SHE: variants seen among roughly 807,000 people sequenced by gnomAD.
SHE encodes the protein Src homology 2 domain containing E, also known as SH2 domain-containing adapter protein E.
SHE carries 11 observed loss-of-function variants against 49.8 expected under a neutral mutation model. The ratio of observed to expected loss-of-function variants is 0.22; its 90% CI spans 0.14 to 0.37. SHE has a LOEUF of 0.37. SHE is among the 10% of genes least tolerant of loss of function. SHE has a pLI of 1.00. For synonymous variants in SHE, 310 were observed against 278.1 expected (o/e 1.11, Z -1.14); for missense variants, 624 against 655.5 (o/e 0.95, Z 0.52).
At chr1:154,478,430 A>T (rs1571038953), downstream of SHE, among the ~76,000 whole-genome samples, 1 of 11,320 alleles carries the variant, frequency 8.8e-5, no homozygotes, top group Non-Finnish European at 9.4e-4. Flanking sequence ...AAAAAGTGCA[A>T]AAAAAAAAAA....
chr1:154,484,473 T>A, intron 5 of SHE, 138 bp from the exon 6 acceptor site: 1 of 686,732 alleles, frequency 1.5e-6, no homozygotes, highest in Non-Finnish European at 2.4e-6. Context: ...CAGAAATGCA[T>A]TCCACACTCT....
intron 1 of SHE, among the ~76,000 whole-genome samples, chr1:154,474,063 C>T (rs910144278): frequency 6.6e-6 from 1 of 152,254 alleles, no homozygotes; most frequent in Admixed American, 6.5e-5. Context: ...CTCCGGCCCC[C>T]AGCCACTGGT....
In SHE at chr1:154,489,297, G is replaced by A; in HGVS notation, c.778C>T (p.Pro260Ser). Residue 260 changes from proline (P) to serine (S), a missense_variant, in exon 3 of 6, where the codon CCC becomes TCC. Coordinates refer to ENST00000304760, the MANE Select transcript of SHE (RefSeq NM_001010846.3). ...AGGCCACCGTCTGCGGGTTCACAGG[G>A]ACTGTCAAGCAGCTGGAGAGCCTTC... ...LVKALQLLDSPCEPADGGLKS... is the reference protein window; with the variant it reads ...LVKALQLLDSSCEPADGGLKS... 1.9e-6 allele frequency: 3 copies of A among 1,614,232 alleles called. No homozygotes were observed. Among genetic ancestry groups the A allele is most frequent in the Non-Finnish European group, 2.5e-6 (3 of 1,180,036 alleles).
Position 154,501,944 on chromosome 1 carries a change from A to G in SHE, c.83T>C (p.Leu28Pro). 1.4e-6 allele frequency: 2 copies of G among 1,461,226 alleles called. No individual in the cohort carries two copies. Among genetic ancestry groups the G allele is most frequent in the Non-Finnish European group, 8.9e-7 (1 of 1,117,528 alleles). The allele number at this position is 1,461,226 out of a possible 1,614,324, so 90.5% of individuals were successfully genotyped here. Residue 28 changes from leucine (L) to proline (P), a missense_variant, in exon 1 of 6, where the codon CTG (leucine) becomes CCG (proline). This residue lies in a region of SHE where 337 missense variants were observed against 306.0 expected (regional missense o/e 1.10). Coordinates refer to ENST00000304760, the MANE Select transcript of SHE (RefSeq NM_001010846.3). ...GAGGGGGCCCCGGCCGGCTCGGCCC[A>G]GGAGCGTCGGGGCCGTGGAGCAGGC... is the stretch of plus-strand genomic sequence containing the variant. ...SLACSTAPTL[L>P]GRAGRGPLMA...
chr1:154,478,711 A>G (rs951702705), downstream of SHE, among the ~76,000 whole-genome samples: 4 of 152,170 alleles, frequency 2.6e-5, no homozygotes, highest in Non-Finnish European at 4.4e-5. Flanking sequence ...TCAACACTCA[A>G]ACCCTGGGTG....
At chr1:154,494,794 G>A (rs1252492015) in intron 2 of SHE, among the ~76,000 whole-genome samples, 1 of 152,126 alleles carries the variant, frequency 6.6e-6, no homozygotes, top group Non-Finnish European at 1.5e-5. Flanking sequence ...TTTGTGGCTG[G>A]CAATCCCAGC....
At chr1:154,485,833 G>T (rs1692160146) in intron 5 of SHE, 110 bp downstream of exon 5, 8 of 1,319,444 alleles carry the variant, frequency 6.1e-6, no homozygotes, top group Non-Finnish European at 7.3e-6. Context: ...CTTATTTTCT[G>T]CAATGCACAC....
At position 154,489,190 on chromosome 1, in the gene SHE, C is replaced by T. The variant is rs766862575; in HGVS notation, c.885G>A (p.Glu295=). ...KPPQLYDTPY[E]PAEGGPRAEG... ...CTGCCCTGGGCCCCCCTTCTGCAGG[C>T]TCGTAGGGAGTGTCGTATAGCTGTG... Residue 295 remains glutamate, a synonymous_variant, in exon 3 of 6, where the codon GAG becomes GAA. Transcript: ENST00000304760. 1.6e-5 allele frequency: 26 copies of T among 1,614,184 alleles called. 1 individual carries two copies. The highest frequency in any genetic ancestry group is 3.3e-5 in the South Asian group (3 of 91,082).
In SHE at chr1:154,489,275, C is replaced by A. The variant is rs199836449; in HGVS notation, c.800G>T (p.Gly267Val). 8 of 1,614,210 alleles carry A rather than the reference C, an allele frequency of 5.0e-6. No individual in the cohort carries two copies. The East Asian group carries it at 1.6e-4, about 31-fold the overall frequency. ...LDSPCEPADG[G>V]LKSETLAKRR... ...TTTGGCCAAGGTCTCTGATTTCAGG[C>A]CACCGTCTGCGGGTTCACAGGGACT... Residue 267 changes from glycine (G) to valine (V), a missense_variant, in exon 3 of 6, where the codon GGC becomes GTC. Physicochemically the swap from Gly to Val is moderately radical, Grantham distance 109. Transcript: ENST00000304760.
At chr1:154,488,299 C>T (rs1332993081) in intron 3 of SHE, among the ~76,000 whole-genome samples, 1 of 152,036 alleles carries the variant, frequency 6.6e-6, no homozygotes, top group Non-Finnish European at 1.5e-5. Context: ...TGCTCTGTCA[C>T]CCAGGCTGGA....
Position 154,480,451 on chromosome 1 carries a change from C to G in SHE, c.*3698G>C. ...AATATCAAGATGCATCCAGTAACAA[C>G]AGCCAATAACAGACTAGTAACAGAG... is the stretch of plus-strand genomic sequence containing the variant. On this transcript the variant is annotated 3_prime_UTR_variant, in exon 6 of 6. Coordinates refer to ENST00000304760, the MANE Select transcript of SHE (RefSeq NM_001010846.3). The G allele has an allele frequency of 1.0e-6, 1 of 985,436 alleles. No individual in the cohort carries two copies. The highest frequency in any genetic ancestry group is 4.7e-5 in the South Asian group (1 of 21,292). The allele number at this position is 985,436 out of a possible 1,614,324, so 61.0% of individuals were successfully genotyped here. A position where few individuals can be genotyped will look rare whatever the true frequency, so the allele number is the denominator to read the frequency against.
rs560139487 is a variant in SHE, at chr1:154,473,159, C to T, written c.103-2797G>A. 8.7e-3 allele frequency among the ~76,000 whole-genome samples: 1,319 copies of T among 151,992 alleles called. 16 individuals carry two copies. The highest frequency in any genetic ancestry group is 0.014 in the Non-Finnish European group (965 of 67,962). The stretch of plus-strand genomic sequence containing the variant: ...GATTACAGGCATGTGCCACCATGCT[C>T]GGCTAATTTTTTGTATTTTTAGTAG... On this transcript the variant is annotated intron_variant, in intron 1 of 1. Coordinates refer to the SHE transcript ENST00000486773.
At chr1:154,500,571 G>A (rs1469834215) in intron 1 of SHE, among the ~76,000 whole-genome samples, 1 of 152,184 alleles carries the variant, frequency 6.6e-6, no homozygotes, top group Non-Finnish European at 1.5e-5. Flanking sequence ...CTGGACCGGA[G>A]TCTGAAATCT....
At chr1:154,475,904 T>C (rs1166045063), downstream of SHE, among the ~76,000 whole-genome samples, 1 of 151,866 alleles carries the variant, frequency 6.6e-6, no homozygotes, top group Non-Finnish European at 1.5e-5. Context: ...TCAAGTGATC[T>C]GCCTGCGTTG....
chr1:154,478,544 T>G (rs1691941490), downstream of SHE, among the ~76,000 whole-genome samples: 1 of 152,144 alleles, frequency 6.6e-6, no homozygotes, highest in Non-Finnish European at 1.5e-5. Flanking sequence ...ACCCGTGTTT[T>G]TATCTGAAAA....
At chr1:154,488,812 C>T (rs1269032652) in intron 3 of SHE, among the ~76,000 whole-genome samples, 1 of 152,164 alleles carries the variant, frequency 6.6e-6, no homozygotes, top group East Asian at 1.9e-4. Flanking sequence ...GTCTTGAACT[C>T]CTGGGGTCAA....
At position 154,481,940 on chromosome 1, in the gene SHE, G is replaced by A. The variant is rs1013131523; in HGVS notation, c.*2209C>T. 2 of 337,876 alleles carry A rather than the reference G, an allele frequency of 5.9e-6. No individual in the cohort carries two copies. Among genetic ancestry groups the A allele is most frequent in the Non-Finnish European group, 8.4e-6 (2 of 238,556 alleles). The allele number at this position is 337,876 out of a possible 1,614,324, so 20.9% of individuals were successfully genotyped here. On this transcript the variant is annotated 3_prime_UTR_variant, in exon 6 of 6. Coordinates refer to ENST00000304760, the MANE Select transcript of SHE (RefSeq NM_001010846.3). The stretch of plus-strand genomic sequence containing the variant: ...TCATGGCTCGCTGCAGCCTTGACCT[G>A]AGCAGAGGTGATCCACCTACCTCAG...
Position 154,483,017 on chromosome 1 carries a change from T to C in SHE, c.*1132A>G. ...AAACAAAAGACATCGAAGTTCTATG[T>C]AATTAATTCAGTAAAAAAACAGTTG... is the stretch of plus-strand genomic sequence containing the variant. On this transcript the variant is annotated 3_prime_UTR_variant, in exon 6 of 6. Coordinates refer to ENST00000304760, the MANE Select transcript of SHE (RefSeq NM_001010846.3). The C allele has an allele frequency of 5.1e-6, 5 of 984,622 alleles. No individual in the cohort carries two copies. Among genetic ancestry groups the C allele is most frequent in the African/African-American group, 1.7e-5 (1 of 57,344 alleles). 61.0% of individuals were successfully genotyped at this position (984,622 alleles called of 1,614,324 possible).
chr1:154,475,393 G>A (rs1376280337), downstream of SHE, among the ~76,000 whole-genome samples: 5 of 152,128 alleles, frequency 3.3e-5, no homozygotes, highest in Non-Finnish European at 7.4e-5. Context: ...CCCCATGTCG[G>A]CCAGGCTGGT....
Sources: allele counts gnomAD v4.1 joint callset (sites outside exome capture counted in the v4.1 genomes callset), GRCh38; gene constraint gnomAD v4.1.1; regional missense constraint gnomAD v4.1.1; transcripts MANE v1.5; gene names NCBI Gene and HGNC (gene_info 2026-07-23, HGNC 2026-07-21).